BUB3: variants seen among roughly 807,000 people sequenced by gnomAD.
BUB3 encodes BUB3 mitotic checkpoint protein.
A neutral mutation model predicts 39.9 loss-of-function variants in BUB3; 22 were observed. The observed-to-expected ratio is 0.55, with a 90% CI of 0.39 to 0.79. BUB3 has a LOEUF of 0.79. Ranked by LOEUF, BUB3 falls within the 30% of genes least tolerant of loss-of-function variation. The pLI is 0.00. For missense variants in BUB3, 303 were observed against 415.4 expected, an observed-to-expected ratio of 0.73 and a Z score of 2.35; for synonymous variants, 168 against 155.1, an observed-to-expected ratio of 1.08 and a Z score of -0.62.
chr10:123,162,396 A>G lies in BUB3; in HGVS notation c.737A>G (p.His246Arg). 6.2e-7 allele frequency: 1 copy of G among 1,613,850 alleles called. No individual in the cohort carries two copies. The highest frequency in any genetic ancestry group is 8.5e-7 in the Non-Finnish European group (1 of 1,179,898). Residue 246 changes from histidine to arginine, a missense_variant, in exon 6 of 8, where the codon CAC becomes CGC. His to Arg is a conservative substitution (Grantham distance 29). Transcript: ENST00000368865. The stretch of plus-strand genomic sequence containing the variant: ...AATGCCATTTCTTTTCACAATATCC[A>G]CAATACATTTGCCACAGGTAAAGTA... ...PVNAISFHNI[H>R]NTFATGGSDG...
Position 123,157,897 on chromosome 10 carries a change from C to A in BUB3, c.417+17C>A, listed in dbSNP as rs569788197. 4 of 1,607,156 alleles carry A rather than the reference C, an allele frequency of 2.5e-6. No individual in the cohort carries two copies. Among genetic ancestry groups the A allele is most frequent in the South Asian group, 1.1e-5 (1 of 90,096 alleles). ...CCTGAAAAGGTAGGCTCTTTATATT[C>A]ATTGCAGGAGTTGATGGTTTTGGGG... On this transcript the variant is annotated intron_variant, in intron 4 of 7. Transcript: ENST00000368865.
intron 4 of BUB3, among the ~76,000 whole-genome samples, chr10:123,158,864 T>C (rs1844384329): frequency 6.6e-6 from 1 of 152,236 alleles, no homozygotes; most frequent in Admixed American, 6.5e-5. Flanking sequence ...TTTAATACTT[T>C]CTTTGATAAA....
intron 1 of BUB3, 136 bp downstream of exon 1, chr10:123,154,621 G>T (rs1844321374): frequency 6.0e-6 from 2 of 333,384 alleles, no homozygotes; most frequent in Non-Finnish European, 1.1e-5. Flanking sequence ...GGAGTGCCCG[G>T]GGCGACGGGA....
Position 123,164,095 on chromosome 10 carries a change from A to C in BUB3, c.*260A>C. ...GAGGGCAAGTGACTGCAGTTTTGAGAATCAGTTTTGACCTTGATGATTTTT... is the reference window on the plus strand; with the variant it reads ...GAGGGCAAGTGACTGCAGTTTTGAGCATCAGTTTTGACCTTGATGATTTTT... On this transcript the variant is annotated 3_prime_UTR_variant, in exon 8 of 8. Coordinates refer to ENST00000368865, the MANE Select transcript of BUB3 (RefSeq NM_004725.4). 1 of 1,166,554 alleles carries C rather than the reference A, an allele frequency of 8.6e-7. No individual in the cohort carries two copies. Among genetic ancestry groups the C allele is most frequent in the East Asian group, 4.2e-5 (1 of 24,088 alleles). 72.3% of individuals were successfully genotyped at this position (1,166,554 alleles called of 1,614,324 possible). A position where few individuals can be genotyped will look rare whatever the true frequency, so the allele number is the denominator to read the frequency against.
chr10:123,157,559 T>C (rs1844366097), intron 3 of BUB3, among the ~76,000 whole-genome samples, 170 bp from the exon 4 acceptor site: 1 of 152,188 alleles, frequency 6.6e-6, no homozygotes, highest in Non-Finnish European at 1.5e-5. Context: ...ACGGATAACT[T>C]TGTAGTCATG....
intron 5 of BUB3, among the ~76,000 whole-genome samples, chr10:123,161,086 A>G (rs1378387976): frequency 6.6e-6 from 1 of 151,766 alleles, no homozygotes; most frequent in Non-Finnish European, 1.5e-5. Context: ...CCCTCTTATG[A>G]CTGACTCTTG....
rs59306300 is a variant in BUB3, at chr10:123,167,959, G to A, written c.*4124G>A. On this transcript the variant is annotated 3_prime_UTR_variant, in exon 8 of 8. Coordinates refer to ENST00000368865, the MANE Select transcript of BUB3 (RefSeq NM_004725.4). ...TTTACAAATTTATGTAATTTTTTAC[G>A]CTTTTTTTTTTTCTCCTTTTTCTGG... The A allele has an allele frequency of 8.0e-4, 121 of 151,028 alleles. No individual in the cohort carries two copies. The highest frequency in any genetic ancestry group is 3.5e-3 in the Middle Eastern group (1 of 288). The allele number at this position is 151,028 out of a possible 1,614,324, so 9.4% of individuals were successfully genotyped here.
At chr10:123,155,164 C>T (rs569097216) in intron 2 of BUB3, 52 bp downstream of exon 2, 45 of 1,569,364 alleles carry the variant, frequency 2.9e-5, no homozygotes, top group East Asian at 2.3e-4. Context: ...AACGATTCTC[C>T]ACGTGAGGAG....
rs752784439 is a variant in BUB3 at position 123,164,589 on chromosome 10, A to C, written c.*754A>C. On this transcript the variant is annotated 3_prime_UTR_variant, in exon 8 of 8. Coordinates refer to ENST00000368865, the MANE Select transcript of BUB3 (RefSeq NM_004725.4). Reference sequence around the variant, plus strand: ...TATTTGGAAAAATAATTGTAACGTAATTGCAGTGCATTTAGACAGGCATCT... The same window carrying C: ...TATTTGGAAAAATAATTGTAACGTACTTGCAGTGCATTTAGACAGGCATCT... The C allele has an allele frequency of 2.0e-6, 2 of 988,056 alleles. No individual in the cohort carries two copies. The highest frequency in any genetic ancestry group is 2.4e-6 in the Non-Finnish European group (2 of 831,746). 61.2% of individuals were successfully genotyped at this position (988,056 alleles called of 1,614,324 possible). A position where few individuals can be genotyped will look rare whatever the true frequency, so the allele number is the denominator to read the frequency against.
chr10:123,164,364 TAAAC>T lies in BUB3; in HGVS notation c.*533_*536del. 5.1e-6 allele frequency: 5 copies of T among 985,812 alleles called. No individual in the cohort carries two copies. Among genetic ancestry groups the T allele is most frequent in the Non-Finnish European group, 6.0e-6 (5 of 830,248 alleles). 61.1% of individuals were successfully genotyped at this position (985,812 alleles called of 1,614,324 possible). A position where few individuals can be genotyped will look rare whatever the true frequency, so the allele number is the denominator to read the frequency against. The stretch of plus-strand genomic sequence containing the variant: ...GATGGTTCATCATTTCCTGGGCTGT[TAAAC>T]AAAGCGAGGTTAAGGTTAGACTCTT... On this transcript the variant is annotated 3_prime_UTR_variant, in exon 8 of 8. Coordinates refer to ENST00000368865, the MANE Select transcript of BUB3 (RefSeq NM_004725.4).
intron 6 of BUB3, 63 bp downstream of exon 6, chr10:123,162,476 T>G (rs1844437928): frequency 6.3e-7 from 1 of 1,576,474 alleles, no homozygotes; most frequent in Non-Finnish European, 8.6e-7. Flanking sequence ...CTTTTTATGG[T>G]ATTTAGTGAA....
At position 123,170,362 on chromosome 10, in the gene BUB3, T is replaced by A. The variant is rs1459340660; in HGVS notation, c.*6527T>A. On this transcript the variant is annotated 3_prime_UTR_variant, in exon 8 of 8. Transcript: ENST00000368865. The stretch of plus-strand genomic sequence containing the variant: ...AATATTTATGAACTATTTCAAACAT[T>A]CAGAAAAACTCAGGATCATACCCAT... The A allele has an allele frequency of 2.0e-5, 3 of 152,220 alleles. No homozygotes were observed. Among genetic ancestry groups the A allele is most frequent in the Admixed American group, 2.0e-4 (3 of 15,286 alleles). 9.4% of individuals were successfully genotyped at this position (152,220 alleles called of 1,614,324 possible). A position where few individuals can be genotyped will look rare whatever the true frequency, so the allele number is the denominator to read the frequency against.
In BUB3 at chr10:123,163,891, C is replaced by G. The variant is rs1352042574; in HGVS notation, c.*56C>G. ...ATGATAATAAAACAATTCGTACTCCCCAATGGTGGATTTATTACTATTAAA... is the reference window on the plus strand; with the variant it reads ...ATGATAATAAAACAATTCGTACTCCGCAATGGTGGATTTATTACTATTAAA... On this transcript the variant is annotated 3_prime_UTR_variant, in exon 8 of 8. Coordinates refer to ENST00000368865, the MANE Select transcript of BUB3 (RefSeq NM_004725.4). The G allele has an allele frequency of 1.9e-6, 3 of 1,539,136 alleles. No individual in the cohort carries two copies. Among genetic ancestry groups the G allele is most frequent in the African/African-American group, 2.8e-5 (2 of 71,714 alleles).
At position 123,162,255 on chromosome 10, in the gene BUB3, T is replaced by C; in HGVS notation, c.596T>C (p.Ile199Thr). 2 of 1,614,072 alleles carry C rather than the reference T, an allele frequency of 1.2e-6. No individual in the cohort carries two copies. The highest frequency in any genetic ancestry group is 1.7e-6 in the Non-Finnish European group (2 of 1,179,972). The stretch of plus-strand genomic sequence containing the variant: ...TGGCAGGGTTATGTATTAAGCTCTA[T>C]TGAAGGCCGAGTGGCAGTTGAGTAT... The part of the protein sequence containing the change: ...PNKQGYVLSS[I>T]EGRVAVEYLD... The change falls in exon 6 of 8, where the codon ATT becomes ACT. Residue 199 changes from isoleucine to threonine, a missense_variant. Physicochemically the swap from Ile to Thr is moderately conservative, Grantham distance 89. Around this residue, in one of 2 missense-constraint regions of BUB3, gnomAD observed 182 missense variants for 293.1 expected, o/e 0.62. Transcript: ENST00000368865.
rs1844493016 is a variant in BUB3 at position 123,166,394 on chromosome 10, C to T, written c.*2559C>T. 1 of 152,190 alleles carries T rather than the reference C, an allele frequency of 6.6e-6. No homozygotes were observed. Among genetic ancestry groups the T allele is most frequent in the African/African-American group, 2.4e-5 (1 of 41,452 alleles). 9.4% of individuals were successfully genotyped at this position (152,190 alleles called of 1,614,324 possible). A position where few individuals can be genotyped will look rare whatever the true frequency, so the allele number is the denominator to read the frequency against. On this transcript the variant is annotated 3_prime_UTR_variant, in exon 8 of 8. Coordinates refer to ENST00000368865, the MANE Select transcript of BUB3 (RefSeq NM_004725.4). ...AGAACACAGAGGTCAGTATATTATACATGACAGAAGGATCCTGAAATATGA... is the reference window on the plus strand; with the variant it reads ...AGAACACAGAGGTCAGTATATTATATATGACAGAAGGATCCTGAAATATGA...
In BUB3 at chr10:123,163,997, A is replaced by G; in HGVS notation, c.*162A>G. 7.5e-7 allele frequency: 1 copy of G among 1,334,112 alleles called. No homozygotes were observed. Among genetic ancestry groups the G allele is most frequent in the South Asian group, 2.2e-5 (1 of 44,648 alleles). 82.6% of individuals were successfully genotyped at this position (1,334,112 alleles called of 1,614,324 possible). ...GAGGTTTTTGAATTTTTTTTTTTAA[A>G]TAAACACCTTCTTAAGTGCATGAGA... On this transcript the variant is annotated 3_prime_UTR_variant, in exon 8 of 8. Coordinates refer to ENST00000368865, the MANE Select transcript of BUB3 (RefSeq NM_004725.4).
At chr10:123,156,662 C>T (rs1404171915) in intron 3 of BUB3, among the ~76,000 whole-genome samples, 1 of 152,030 alleles carries the variant, frequency 6.6e-6, no homozygotes, top group Non-Finnish European at 1.5e-5. Context: ...GAAAAGCAAA[C>T]GTCTCGATTT....
At chr10:123,159,378 C>T (rs939321901) in intron 4 of BUB3, among the ~76,000 whole-genome samples, 9 of 152,188 alleles carry the variant, frequency 5.9e-5, no homozygotes, top group African/African-American at 2.2e-4. Flanking sequence ...TGGGGCCTCT[C>T]TGCATTTTTT....
At position 123,164,413 on chromosome 10, in the gene BUB3, A is replaced by G; in HGVS notation, c.*578A>G. 1 of 985,660 alleles carries G rather than the reference A, an allele frequency of 1.0e-6. No individual in the cohort carries two copies. The highest frequency in any genetic ancestry group is 1.2e-6 in the Non-Finnish European group (1 of 830,106). The allele number at this position is 985,660 out of a possible 1,614,324, so 61.1% of individuals were successfully genotyped here. On this transcript the variant is annotated 3_prime_UTR_variant, in exon 8 of 8. Transcript: ENST00000368865. Reference sequence around the variant, plus strand: ...ACTCTTGGGAATCAGCTAGTTTTCAATCTTATTAGGGTGCAGAAGGAAAAC... The same window carrying G: ...ACTCTTGGGAATCAGCTAGTTTTCAGTCTTATTAGGGTGCAGAAGGAAAAC...
Sources: gnomAD v4.1 joint callset for allele counts (sites outside exome capture counted in the v4.1 genomes callset) on GRCh38, gnomAD v4.1.1 for gene constraint, gnomAD v4.1.1 regional missense constraint, MANE v1.5 for transcripts, NCBI Gene and HGNC (gene_info 2026-07-23, HGNC 2026-07-21) for gene names.